Variants in DHX37 observed in about 807,000 individuals in gnomAD.
DHX37 encodes probable ATP-dependent RNA helicase DHX37.
Under a neutral mutation model 134.3 loss-of-function variants are expected in DHX37, and 52 were observed. The observed-to-expected ratio is 0.39, with a 90% confidence interval of 0.31 to 0.49. DHX37 has a LOEUF of 0.49. DHX37 is among the 20% of genes least tolerant of loss of function. The probability of loss-of-function intolerance (pLI) is 0.93; values close to 1 mark genes in which losing one functional copy is unlikely to be tolerated. For synonymous variants in DHX37, 634 were observed against 670.7 expected, an observed-to-expected ratio of 0.95 and a Z score of 0.85; for missense variants, 1,344 against 1,580.8, an observed-to-expected ratio of 0.85 and a Z score of 2.54.
Position 124,980,067 on chromosome 12 carries a change from G to C in DHX37, c.738+423C>G, listed in dbSNP as rs555304592. On this transcript the variant is annotated intron_variant, in intron 4 of 26. Transcript: ENST00000308736. This position sits in a 1 kb window ranked among gnomAD's most constrained non-coding sequence, Gnocchi z 5.3. ...ACCAGGAAGGAAACAGGCACAGAGA[G>C]GGGGAGCCCCTTCAGTAGCCGGAAT... Among the ~76,000 whole-genome samples, 5 of 152,220 alleles carry C rather than the reference G, an allele frequency of 3.3e-5. No individual in the cohort carries two copies. The highest frequency in any genetic ancestry group is 2.0e-4 in the Admixed American group (3 of 15,284).
At chr12:124,950,625 G>T in intron 22 of DHX37, 65 bp downstream of exon 22, 1 of 1,582,824 alleles carries the variant, frequency 6.3e-7, no homozygotes, top group Non-Finnish European at 8.6e-7. Flanking sequence ...CTGCCCCAGG[G>T]TCCCAGCCAC....
At chr12:124,987,082 G>A (rs1008056577) in intron 1 of DHX37, among the ~76,000 whole-genome samples, 3 of 152,212 alleles carry the variant, frequency 2.0e-5, no homozygotes, top group Non-Finnish European at 4.4e-5. Context: ...GGGGCCGGGC[G>A]CGGTGGCGCA....
intron 10 of DHX37, among the ~76,000 whole-genome samples, chr12:124,967,957 T>C (rs1954427366): frequency 6.6e-6 from 1 of 152,056 alleles, no homozygotes; most frequent in African/African-American, 2.4e-5. Flanking sequence ...GTGTGGGACC[T>C]GTAATCCCAG....
intron 16 of DHX37, among the ~76,000 whole-genome samples, chr12:124,957,524 G>A (rs542237931): frequency 5.9e-5 from 9 of 152,318 alleles, no homozygotes; most frequent in East Asian, 1.9e-4. Flanking sequence ...GGTGGCTCAC[G>A]CCTGTAATCC....
At chr12:124,975,148 G>A (rs181068972) in intron 6 of DHX37, among the ~76,000 whole-genome samples, 1 of 152,148 alleles carries the variant, frequency 6.6e-6, no homozygotes, top group Non-Finnish European at 1.5e-5. Flanking sequence ...GTGACTGCCT[G>A]CATCTGGCCC....
chr12:124,975,759 G>A (rs1565890361), intron 5 of DHX37, among the ~76,000 whole-genome samples: 1 of 152,190 alleles, frequency 6.6e-6, no homozygotes, highest in East Asian at 1.9e-4. Flanking sequence ...GGGCCTGGGG[G>A]AACCAGGCTG....
rs887554661 is a variant in DHX37 at position 124,956,700 on chromosome 12, T to G, written c.2444A>C (p.Glu815Ala). The G allele has an allele frequency of 1.2e-5, 19 of 1,568,082 alleles. No individual in the cohort carries two copies. The highest frequency in any genetic ancestry group is 1.6e-5 in the Non-Finnish European group (18 of 1,149,878). ...ASMTVRELFE[E>A]LDRPAASDEE... ...GCCGCCAACCTCGCACCTGTCCAGC[T>G]CCTCAAACAGCTCCCGCACCGTCAT... The change falls in exon 18 of 27, where the codon GAG (glutamate) becomes GCG (alanine). Residue 815 changes from glutamate (E) to alanine (A), a missense_variant. Around this residue, in one of 7 missense-constraint regions of DHX37, gnomAD observed 558 missense variants for 650.0 expected, o/e 0.86. Transcript: ENST00000308736.
At chr12:124,965,179 G>C (rs554545894) in intron 13 of DHX37, among the ~76,000 whole-genome samples, 173 bp from the exon 14 acceptor site, 1 of 152,234 alleles carries the variant, frequency 6.6e-6, no homozygotes, top group South Asian at 2.1e-4. Flanking sequence ...ACTGCTGAGA[G>C]GTTCCCAGGG....
Position 124,989,055 on chromosome 12 carries a change from C to G in DHX37, c.-33G>C, listed in dbSNP as rs745822418. The stretch of plus-strand genomic sequence containing the variant: ...AGGCCAGGGTGGGCGCTCCAGCGGC[C>G]GGACCAGCAGAGCAATCCGAAACCC... On this transcript the variant is annotated 5_prime_UTR_variant, in exon 1 of 27. Coordinates refer to ENST00000308736, the MANE Select transcript of DHX37 (RefSeq NM_032656.4). 5 of 1,309,190 alleles carry G rather than the reference C, an allele frequency of 3.8e-6. No individual in the cohort carries two copies. The highest frequency in any genetic ancestry group is 1.5e-5 in the African/African-American group (1 of 65,588). 81.1% of individuals were successfully genotyped at this position (1,309,190 alleles called of 1,614,324 possible). A position where few individuals can be genotyped will look rare whatever the true frequency, so the allele number is the denominator to read the frequency against.
chr12:124,985,029 C>T (rs116429376), intron 2 of DHX37, among the ~76,000 whole-genome samples: 3,617 of 152,204 alleles, frequency 0.024, 124 homozygotes, highest in African/African-American at 0.082. Context: ...GACGCAGCCA[C>T]AAGCCAAGGG....
intron 6 of DHX37, among the ~76,000 whole-genome samples, chr12:124,974,355 G>A (rs1470721834): frequency 2.6e-5 from 4 of 151,968 alleles, no homozygotes; most frequent in South Asian, 4.2e-4. Flanking sequence ...CCAGGAGGAC[G>A]TGCAGGAGAT....
At chr12:124,967,913 CA>C (rs1273207221) in intron 10 of DHX37, among the ~76,000 whole-genome samples, 2 of 151,886 alleles carry the variant, frequency 1.3e-5, no homozygotes, top group Admixed American at 6.6e-5. Context: ...TACTAAAATA[CA>C]AAAAATTAGC....
chr12:124,975,734 C>T (rs983816844), intron 5 of DHX37, among the ~76,000 whole-genome samples: 4 of 152,192 alleles, frequency 2.6e-5, no homozygotes, highest in Admixed American at 2.0e-4. Context: ...CACCAGGCAG[C>T]CGCTAGAAGG....
intron 8 of DHX37, among the ~76,000 whole-genome samples, chr12:124,970,314 C>G (rs1954489139): frequency 6.6e-6 from 1 of 152,206 alleles, no homozygotes; most frequent in African/African-American, 2.4e-5. Context: ...AAATATAAAA[C>G]TGTGGTGATG....
chr12:124,969,142 C>T (rs1313597658), intron 8 of DHX37, among the ~76,000 whole-genome samples, 174 bp from the exon 9 acceptor site: 1 of 152,158 alleles, frequency 6.6e-6, no homozygotes, highest in East Asian at 1.9e-4. Flanking sequence ...GGACCTGCCG[C>T]TCCCAGGGCG....
intron 11 of DHX37, 78 bp from the exon 12 acceptor site, chr12:124,966,956 G>A: frequency 1.3e-6 from 2 of 1,584,938 alleles, no homozygotes; most frequent in Non-Finnish European, 1.7e-6. Flanking sequence ...GTTGTTCAAG[G>A]CATGGCCACT....
intron 9 of DHX37, 88 bp downstream of exon 9, chr12:124,968,779 T>A: frequency 1.9e-6 from 3 of 1,596,290 alleles, no homozygotes; most frequent in Non-Finnish European, 2.6e-6. Context: ...ATCCCCCCTG[T>A]GACCAAGTGA....
intron 16 of DHX37, among the ~76,000 whole-genome samples, chr12:124,957,621 T>C (rs1384686538): frequency 6.6e-6 from 1 of 152,012 alleles, no homozygotes; most frequent in African/African-American, 2.4e-5. Flanking sequence ...CCCCCATCTC[T>C]ACTAAAAATA....
rs1361662777 is a variant in DHX37, at chr12:124,949,570, T to C, written c.3290+416A>G. 6.6e-6 allele frequency among the ~76,000 whole-genome samples: 1 copy of C among 152,158 alleles called. No homozygotes were observed. Among genetic ancestry groups the C allele is most frequent in the Non-Finnish European group, 1.5e-5 (1 of 68,012 alleles). ...GCCCAGTGTCTCCCCTATCCCATAT[T>C]CATGTCCACCCAGAACATCAGCGTG... On this transcript the variant is annotated intron_variant, in intron 25 of 26. Coordinates refer to ENST00000308736, the MANE Select transcript of DHX37 (RefSeq NM_032656.4). This position sits in a 1 kb window ranked among gnomAD's most constrained non-coding sequence, Gnocchi z 4.0.
Sources: gnomAD v4.1 joint callset for allele counts (sites outside exome capture counted in the v4.1 genomes callset) on GRCh38, gnomAD v4.1.1 for gene constraint, gnomAD v4.1.1 regional missense constraint, Gnocchi (gnomAD v3.1) non-coding constraint, MANE v1.5 for transcripts, NCBI Gene and HGNC (gene_info 2026-07-23, HGNC 2026-07-21) for gene names.